The following C1orf21 variants were observed in gnomAD, a reference collection of about 807,000 sequenced individuals.
The protein encoded by C1orf21 is chromosome 1 open reading frame 21, also known as uncharacterized protein C1orf21.
Under a neutral mutation model 18.7 loss-of-function variants are expected in C1orf21, and 3 were observed. That is an observed-to-expected ratio of 0.16 (90% confidence interval 0.07 to 0.42). The LOEUF is 0.42. Among genes scored for constraint, C1orf21 ranks in the 10% least tolerant of loss-of-function variants. The probability of loss-of-function intolerance (pLI) is 0.99; values close to 1 mark genes in which losing one functional copy is unlikely to be tolerated. For synonymous variants in C1orf21, 41 were observed against 46.4 expected (o/e 0.88, Z 0.47); for missense variants, 104 against 143.6 (o/e 0.72, Z 1.41).
At chr1:184,394,094 C>A (rs1407067963) in intron 1 of C1orf21, among the ~76,000 whole-genome samples, 2 of 152,140 alleles carry the variant, frequency 1.3e-5, no homozygotes, top group African/African-American at 4.8e-5. Flanking sequence ...AAAAATATAT[C>A]CCATTGACTC....
intron 1 of C1orf21, among the ~76,000 whole-genome samples, chr1:184,391,544 A>G (rs762521052): frequency 6.6e-6 from 1 of 152,226 alleles, no homozygotes; most frequent in Non-Finnish European, 1.5e-5. Context: ...CAATGTGTCA[A>G]AATTTCCTTG....
chr1:184,535,514 G>A (rs1011115800), intron 3 of C1orf21, among the ~76,000 whole-genome samples: 1 of 152,184 alleles, frequency 6.6e-6, no homozygotes, highest in African/African-American at 2.4e-5. Flanking sequence ...GCTACATGAA[G>A]TACGTCAAAC....
At chr1:184,500,685 G>A (rs1365128293) in intron 2 of C1orf21, among the ~76,000 whole-genome samples, 3 of 152,198 alleles carry the variant, frequency 2.0e-5, no homozygotes, top group African/African-American at 7.2e-5. Context: ...TGCTGTGTTC[G>A]TTGTAATTCA....
chr1:184,538,437 T>C (rs889808191), intron 3 of C1orf21, among the ~76,000 whole-genome samples: 1 of 152,234 alleles, frequency 6.6e-6, no homozygotes, highest in Non-Finnish European at 1.5e-5. Context: ...CTATCACTCA[T>C]ATCTTTTGAT....
chr1:184,547,490 G>C (rs1214954518), intron 3 of C1orf21, among the ~76,000 whole-genome samples: 1 of 118,296 alleles, frequency 8.5e-6, no homozygotes, highest in Admixed American at 9.7e-5. Flanking sequence ...CTTTGGATTT[G>C]CTGCTGGGAA....
chr1:184,477,238 G>T, intron 1 of C1orf21, 148 bp from the exon 2 acceptor site: 1 of 332,556 alleles, frequency 3.0e-6, no homozygotes, highest in Non-Finnish European at 5.4e-6. Context: ...CGCTGCACAT[G>T]GTTCTTCTGT....
At chr1:184,578,156 C>T (rs1659222615) in intron 3 of C1orf21, among the ~76,000 whole-genome samples, 1 of 151,954 alleles carries the variant, frequency 6.6e-6, no homozygotes, top group Admixed American at 6.6e-5. Context: ...TAGGGTTTCA[C>T]TGCGTTGTTC....
chr1:184,451,040 G>A (rs1370487927), intron 1 of C1orf21, among the ~76,000 whole-genome samples: 1 of 152,170 alleles, frequency 6.6e-6, no homozygotes, highest in African/African-American at 2.4e-5. Context: ...ATCACGCCCA[G>A]CTAATTTTTG....
chr1:184,432,905 A>G (rs1656787671), intron 1 of C1orf21, among the ~76,000 whole-genome samples: 1 of 152,246 alleles, frequency 6.6e-6, no homozygotes, highest in South Asian at 2.1e-4. Context: ...TGTATTTGAT[A>G]ACAAGAGACA....
intron 3 of C1orf21, among the ~76,000 whole-genome samples, chr1:184,526,318 G>T (rs1443487182): frequency 6.6e-6 from 1 of 152,178 alleles, no homozygotes; most frequent in African/African-American, 2.4e-5. Flanking sequence ...ATCAGAAGCT[G>T]AGGATGTTTG....
At chr1:184,506,910 C>T (rs573777847) in intron 2 of C1orf21, among the ~76,000 whole-genome samples, 2 of 152,016 alleles carry the variant, frequency 1.3e-5, no homozygotes, top group East Asian at 3.9e-4. Context: ...ACCATTTCAT[C>T]TGTTAGGTAT....
chr1:184,583,532 C>T (rs1445784864), intron 3 of C1orf21, among the ~76,000 whole-genome samples: 1 of 152,184 alleles, frequency 6.6e-6, no homozygotes. Flanking sequence ...GATAGCTCCA[C>T]AGAGCCCCAA....
chr1:184,504,893 G>T (rs534304631), intron 2 of C1orf21, among the ~76,000 whole-genome samples: 1 of 152,282 alleles, frequency 6.6e-6, no homozygotes, highest in South Asian at 2.1e-4. Flanking sequence ...CCTATCTTCT[G>T]TCTAAATTGG....
intron 1 of C1orf21, among the ~76,000 whole-genome samples, chr1:184,410,899 G>A (rs775427216): frequency 6.1e-4 from 92 of 150,326 alleles, no homozygotes; most frequent in Non-Finnish European, 1.1e-3. Context: ...TGATACACCC[G>A]CCTTGGCCTG....
intron 3 of C1orf21, among the ~76,000 whole-genome samples, chr1:184,534,499 C>T (rs562839062): frequency 9.3e-4 from 141 of 152,274 alleles, no homozygotes; most frequent in African/African-American, 3.4e-3. Flanking sequence ...CTTTCTATCT[C>T]AGCATAATAG....
intron 1 of C1orf21, among the ~76,000 whole-genome samples, chr1:184,458,094 C>G (rs140480143): frequency 2.0e-4 from 31 of 152,138 alleles, no homozygotes; most frequent in African/African-American, 7.5e-4. Flanking sequence ...TGATTCTACC[C>G]CAATCTGACT....
At chr1:184,562,603 G>A (rs1658983281) in intron 3 of C1orf21, among the ~76,000 whole-genome samples, 1 of 152,186 alleles carries the variant, frequency 6.6e-6, no homozygotes, top group Admixed American at 6.5e-5. Flanking sequence ...AGGCAACATA[G>A]TGATATCTTG....
At chr1:184,549,031 A>G (rs72737710) in intron 3 of C1orf21, among the ~76,000 whole-genome samples, 2,209 of 152,286 alleles carry the variant, frequency 0.015, 26 homozygotes, top group Non-Finnish European at 0.02. Context: ...TTCTAGTGCT[A>G]TGTATTTGTT....
At chr1:184,524,829 AC>A (rs1405535363) in intron 3 of C1orf21, among the ~76,000 whole-genome samples, 1 of 152,114 alleles carries the variant, frequency 6.6e-6, no homozygotes, top group African/African-American at 2.4e-5. Context: ...TTCTGCTTCA[AC>A]CTAAAGGCAG....
Sources: allele counts gnomAD v4.1 joint callset (sites outside exome capture counted in the v4.1 genomes callset), GRCh38; gene constraint gnomAD v4.1.1; transcripts MANE v1.5; gene names NCBI Gene and HGNC (gene_info 2026-07-23, HGNC 2026-07-21).